ANK2: variants seen among roughly 807,000 people sequenced by gnomAD.
The protein encoded by ANK2 is ankyrin-2.
A neutral mutation model predicts 360.5 loss-of-function variants in ANK2; 83 were observed. That is an observed-to-expected ratio of 0.23 (90% CI 0.19 to 0.28). The LOEUF (loss-of-function observed/expected upper bound fraction) is 0.28, where lower values mean the gene tolerates loss of function less well. ANK2 is among the 10% of genes least tolerant of loss of function. The pLI is 1.00. For synonymous variants in ANK2, 1,740 were observed against 1,759.5 expected, an observed-to-expected ratio of 0.99 and a Z score of 0.28; for missense variants, 4,201 against 4,795.7, an observed-to-expected ratio of 0.88 and a Z score of 3.66.
chr4:113,149,022 G>A (rs1443884601), intron 1 of ANK2: 1 of 152,242 alleles, frequency 6.6e-6, no homozygotes, highest in Non-Finnish European at 1.5e-5. Flanking sequence ...TATGCTTTGA[G>A]AAAAATCTCT....
chr4:113,320,413 G>A (rs1402042183), intron 26 of ANK2, among the ~76,000 whole-genome samples: 2 of 152,264 alleles, frequency 1.3e-5, no homozygotes, highest in African/African-American at 4.8e-5. Context: ...CAGCACTCTG[G>A]GAGGACGAGG....
Position 113,323,857 on chromosome 4 carries a change from T to G in ANK2, c.2900+5237T>G, listed in dbSNP as rs563768560. 3.6e-5 allele frequency: 54 copies of G among 1,494,306 alleles called. No homozygotes were observed. The East Asian group carries it at 1.1e-3, about 31-fold the overall frequency. 92.6% of individuals were successfully genotyped at this position (1,494,306 alleles called of 1,614,324 possible). ...CTATTCCTCTCCCCCTTTCGCCATC[T>G]CCTTCTGCATATTCCTTGCCTCAGG... is the stretch of plus-strand genomic sequence containing the variant. On this transcript the variant is annotated intron_variant, in intron 26 of 45. Coordinates refer to ENST00000357077, the MANE Select transcript of ANK2 (RefSeq NM_001148.6).
intron 22 of ANK2, among the ~76,000 whole-genome samples, chr4:113,293,948 A>G (rs1439610964): frequency 6.6e-6 from 1 of 152,184 alleles, no homozygotes; most frequent in Non-Finnish European, 1.5e-5. Context: ...TGCTCCTCCC[A>G]ACACTGTGCT....
rs578061918 is a variant in ANK2, at chr4:112,893,761, G to C, written c.-39-10694G>C. Among the ~76,000 whole-genome samples, 3 of 152,288 alleles carry C rather than the reference G, an allele frequency of 2.0e-5. No individual in the cohort carries two copies. In the South Asian group the frequency reaches 6.2e-4, roughly 32 times the overall value. On this transcript the variant is annotated intron_variant, in intron 1 of 30. Transcript: ENST00000503271. ...CTGTAATCCCAGCTCTTTGGGAGCTGAGGCGGGCAGATCACTTAAGGTCAG... is the reference window on the plus strand; with the variant it reads ...CTGTAATCCCAGCTCTTTGGGAGCTCAGGCGGGCAGATCACTTAAGGTCAG...
intron 1 of ANK2, among the ~76,000 whole-genome samples, chr4:112,890,661 AG>A (rs1170838284): frequency 3.8e-5 from 5 of 132,608 alleles, no homozygotes; most frequent in Admixed American, 1.9e-4. Flanking sequence ...TCCGCCTCCC[AG>A]GTTCAAGCTA....
intron 2 of ANK2, among the ~76,000 whole-genome samples, chr4:112,994,833 C>T (rs1448627891): frequency 6.6e-6 from 1 of 152,154 alleles, no homozygotes; most frequent in African/African-American, 2.4e-5. Context: ...TTAGCTCCCA[C>T]TTATAAGTGA....
chr4:112,747,533 C>T, the ANK2 span, among the ~76,000 whole-genome samples: 1 of 152,090 alleles, frequency 6.6e-6, no homozygotes, highest in African/African-American at 2.4e-5. Context: ...AACTCTTGAG[C>T]TTGTGAAAGA....
Position 113,171,298 on chromosome 4 carries a change from C to T in ANK2, c.85-3118C>T, listed in dbSNP as rs145559295. 6.3e-3 allele frequency among the ~76,000 whole-genome samples: 959 copies of T among 152,208 alleles called. 14 individuals are homozygous for T. Among genetic ancestry groups the T allele is most frequent in the African/African-American group, 0.021 (890 of 41,538 alleles). Reference sequence around the variant, plus strand: ...CAGGCTAACCACTGTTTATCCAAAGCGCTTGTGTCAAGGGCCTTAATCACA... The same window carrying T: ...CAGGCTAACCACTGTTTATCCAAAGTGCTTGTGTCAAGGGCCTTAATCACA... On this transcript the variant is annotated intron_variant, in intron 1 of 45. Coordinates refer to ENST00000357077, the MANE Select transcript of ANK2 (RefSeq NM_001148.6).
chr4:113,126,760 A>G (rs1001026404), intron 1 of ANK2, among the ~76,000 whole-genome samples: 1 of 152,192 alleles, frequency 6.6e-6, no homozygotes, highest in African/African-American at 2.4e-5. Flanking sequence ...TGTATATAAC[A>G]TCAAGCACTC....
chr4:112,712,756 G>C, the ANK2 span, among the ~76,000 whole-genome samples: 1 of 152,086 alleles, frequency 6.6e-6, no homozygotes, highest in African/African-American at 2.4e-5. Flanking sequence ...TTGAGTTACA[G>C]CACAGGAAAA....
intron 15 of ANK2, among the ~76,000 whole-genome samples, chr4:113,276,568 T>C (rs2060322585): frequency 6.6e-6 from 1 of 152,198 alleles, no homozygotes. Flanking sequence ...CTAATCATTG[T>C]GTGCATTGAG....
At position 113,127,948 on chromosome 4, in the gene ANK2, A is replaced by T. The variant is rs1195570606; in HGVS notation, c.85-46468A>T. Among the ~76,000 whole-genome samples the T allele has an allele frequency of 4.5e-4, 69 of 152,210 alleles. 1 individual carries two copies. Among genetic ancestry groups the T allele is most frequent in the Admixed American group, 4.5e-3 (69 of 15,264 alleles). ...ATAAAGAAAAAAGAGAAGAGTGAAT[A>T]AAAATAACTTTAAAGTTATATATTT... On this transcript the variant is annotated intron_variant, in intron 1 of 45. Transcript: ENST00000357077.
chr4:112,749,611 C>T, the ANK2 span, among the ~76,000 whole-genome samples: 1 of 152,156 alleles, frequency 6.6e-6, no homozygotes, highest in Non-Finnish European at 1.5e-5. Flanking sequence ...AGAACAGTCA[C>T]AGCAGTGTTT....
At chr4:112,909,610 T>C (rs924374009) in intron 2 of ANK2, among the ~76,000 whole-genome samples, 5 of 152,210 alleles carry the variant, frequency 3.3e-5, no homozygotes, top group Non-Finnish European at 5.9e-5. Context: ...TCTGTCCTTA[T>C]ATGAAAAAAG....
At chr4:113,309,176 T>C (rs1014294737) in intron 23 of ANK2, among the ~76,000 whole-genome samples, 2 of 152,220 alleles carry the variant, frequency 1.3e-5, no homozygotes, top group African/African-American at 2.4e-5. Flanking sequence ...AGAGAAATTT[T>C]ATATAGCACT....
the ANK2 span, among the ~76,000 whole-genome samples, chr4:112,748,178 A>G: frequency 1.3e-5 from 2 of 152,202 alleles, no homozygotes; most frequent in Non-Finnish European, 2.9e-5. Context: ...TTAGGCAAAA[A>G]ACAAAGTTTT....
At chr4:113,278,898 A>T (rs2061235591) in intron 17 of ANK2, among the ~76,000 whole-genome samples, 1 of 152,050 alleles carries the variant, frequency 6.6e-6, no homozygotes, top group Admixed American at 6.6e-5. Flanking sequence ...TCTCCTATAA[A>T]CCAAATGCTA....
chr4:113,064,032 G>A (rs987575662), intron 1 of ANK2, among the ~76,000 whole-genome samples: 24 of 151,838 alleles, frequency 1.6e-4, no homozygotes, highest in African/African-American at 5.8e-4. Context: ...ACATTTTTTT[G>A]TTGTTGTTGT....
intron 2 of ANK2, among the ~76,000 whole-genome samples, chr4:112,950,578 AG>A (rs2094883850): frequency 6.7e-6 from 1 of 150,126 alleles, no homozygotes; most frequent in South Asian, 2.1e-4. Flanking sequence ...TGGGAGGTGG[AG>A]GTTGCAGTGA....
Sources: gnomAD v4.1 joint callset for allele counts (sites outside exome capture counted in the v4.1 genomes callset) on GRCh38, gnomAD v4.1.1 for gene constraint, MANE v1.5 for transcripts, NCBI Gene and HGNC (gene_info 2026-07-23, HGNC 2026-07-21) for gene names.